ATRNL1: variants seen among roughly 807,000 people sequenced by gnomAD.
The protein encoded by ATRNL1 is attractin-like protein 1.
ATRNL1 carries 95 observed loss-of-function variants against 182.7 expected under a neutral mutation model. The ratio of observed to expected loss-of-function variants is 0.52; its 90% CI spans 0.44 to 0.62. The LOEUF (loss-of-function observed/expected upper bound fraction) is 0.62, where lower values mean the gene tolerates loss of function less well. ATRNL1 is among the 20% of genes least tolerant of loss of function. The pLI is 0.00. For missense variants in ATRNL1, 1,471 were observed against 1,679.5 expected, an observed-to-expected ratio of 0.88 and a Z score of 2.17; for synonymous variants, 576 against 568.3, an observed-to-expected ratio of 1.01 and a Z score of -0.19.
At chr10:115,252,591 G>A (rs1850930825) in intron 10 of ATRNL1, among the ~76,000 whole-genome samples, 1 of 152,168 alleles carries the variant, frequency 6.6e-6, no homozygotes, top group Admixed American at 6.5e-5. Context: ...GAAAATTTGG[G>A]AATTCAAAAT....
intron 21 of ATRNL1, among the ~76,000 whole-genome samples, chr10:115,429,764 C>G (rs540607960): frequency 3.9e-5 from 6 of 152,132 alleles, no homozygotes; most frequent in Admixed American, 2.6e-4. Context: ...CCTATGACTG[C>G]AGTTTTTAAA....
rs1270489896 is a variant in ATRNL1 at position 115,389,538 on chromosome 10, G to GTATATATATATATATA, written c.3176-5120_3176-5119insATATATATATATATAT. Reference sequence around the variant, plus strand: ...AGCTGAATAGTATTCAAATGTGTATGTGTATATATATATATATATATATAT... The same window carrying GTATATATATATATATA: ...AGCTGAATAGTATTCAAATGTGTATGTATATATATATATATATGTATATATATATATATATATATAT... On this transcript the variant is annotated intron_variant, in intron 19 of 28. Coordinates refer to ENST00000355044, the MANE Select transcript of ATRNL1 (RefSeq NM_207303.4). Among the ~76,000 whole-genome samples, 512 of 51,374 alleles carry GTATATATATATATATA rather than the reference G, an allele frequency of 1.0e-2. 50 individuals are homozygous for GTATATATATATATATA. Among genetic ancestry groups the GTATATATATATATATA allele is most frequent in the Non-Finnish European group, 0.013 (398 of 30,030 alleles). 33.7% of individuals were successfully genotyped at this position (51,374 alleles called of 152,430 possible).
chr10:115,307,495 C>G (rs1307854213), intron 17 of ATRNL1, among the ~76,000 whole-genome samples: 1 of 152,120 alleles, frequency 6.6e-6, no homozygotes, highest in Non-Finnish European at 1.5e-5. Context: ...CTCCTGACTT[C>G]AAGTAATCTG....
At position 115,941,106 on chromosome 10, in the gene ATRNL1, C is replaced by T. The variant is rs376266748; in HGVS notation, c.4019-3552C>T. Among the ~76,000 whole-genome samples the T allele has an allele frequency of 1.1e-4, 16 of 152,206 alleles. No homozygotes were observed. The South Asian group carries it at 2.9e-3, about 28-fold the overall frequency. On this transcript the variant is annotated intron_variant, in intron 28 of 28. Coordinates refer to ENST00000355044, the MANE Select transcript of ATRNL1 (RefSeq NM_207303.4). ...AGTGTTCTCTGTGAGTGCACCACGG[C>T]GAACACTTAAATATCTCTGCCTAGA...
intron 26 of ATRNL1, among the ~76,000 whole-genome samples, chr10:115,654,709 G>A (rs552327539): frequency 2.0e-5 from 3 of 152,244 alleles, no homozygotes; most frequent in Non-Finnish European, 4.4e-5. Context: ...TTATTGATGG[G>A]AAATAGGGTC....
chr10:115,336,823 C>T (rs533082569), intron 19 of ATRNL1, among the ~76,000 whole-genome samples: 2 of 151,796 alleles, frequency 1.3e-5, no homozygotes, highest in Non-Finnish European at 2.9e-5. Flanking sequence ...TAACTATGTA[C>T]AGTGTTGTGC....
intron 19 of ATRNL1, among the ~76,000 whole-genome samples, chr10:115,387,710 T>G (rs1554953075): frequency 6.6e-6 from 1 of 152,214 alleles, no homozygotes; most frequent in East Asian, 1.9e-4. Flanking sequence ...TGTGTTTGGC[T>G]TTTTTTCACT....
intron 26 of ATRNL1, among the ~76,000 whole-genome samples, chr10:115,662,236 C>T (rs1325221656): frequency 2.0e-5 from 3 of 152,010 alleles, no homozygotes; most frequent in African/African-American, 7.2e-5. Flanking sequence ...CCGCAATAAA[C>T]ATATGTGTGC....
intron 19 of ATRNL1, among the ~76,000 whole-genome samples, chr10:115,392,689 C>T (rs1238763232): frequency 6.6e-6 from 1 of 152,150 alleles, no homozygotes; most frequent in Admixed American, 6.6e-5. Flanking sequence ...TCCATTCTCA[C>T]ATAAATGTCT....
chr10:115,114,530 A>C (rs781785194), intron 1 of ATRNL1, among the ~76,000 whole-genome samples: 5 of 152,206 alleles, frequency 3.3e-5, no homozygotes, highest in Non-Finnish European at 7.4e-5. Flanking sequence ...ATGAACTCAA[A>C]TCATTCAATA....
chr10:115,581,024 C>A (rs1855036842), intron 26 of ATRNL1, among the ~76,000 whole-genome samples: 1 of 152,100 alleles, frequency 6.6e-6, no homozygotes, highest in Non-Finnish European at 1.5e-5. Context: ...AGCTTTATTT[C>A]ACTAAGGCTG....
intron 26 of ATRNL1, among the ~76,000 whole-genome samples, chr10:115,678,106 T>C (rs1945925755): frequency 1.3e-5 from 2 of 152,132 alleles, no homozygotes; most frequent in Non-Finnish European, 2.9e-5. Context: ...ACAGGAGCCA[T>C]CTTTGGCTGA....
intron 26 of ATRNL1, among the ~76,000 whole-genome samples, chr10:115,643,638 G>A (rs1346707763): frequency 1.3e-5 from 2 of 152,074 alleles, no homozygotes; most frequent in African/African-American, 4.8e-5. Flanking sequence ...AAAGATTTGA[G>A]TAGACACTTT....
At chr10:115,844,120 G>A (rs1173954495) in intron 27 of ATRNL1, among the ~76,000 whole-genome samples, 2 of 152,056 alleles carry the variant, frequency 1.3e-5, no homozygotes, top group Non-Finnish European at 2.9e-5. Flanking sequence ...TTCTGCTTTG[G>A]AACTACTGAA....
intron 26 of ATRNL1, among the ~76,000 whole-genome samples, chr10:115,623,196 G>A (rs1311921437): frequency 5.3e-5 from 8 of 152,112 alleles, no homozygotes; most frequent in African/African-American, 1.9e-4. Context: ...GAACAAAAAT[G>A]TATGTACACA....
intron 9 of ATRNL1, among the ~76,000 whole-genome samples, chr10:115,217,905 A>G (rs1300276311): frequency 6.6e-6 from 1 of 152,066 alleles, no homozygotes; most frequent in Non-Finnish European, 1.5e-5. Context: ...CTTTAAGCTT[A>G]GATCTTTTTT....
chr10:115,229,321 A>C (rs1400327680), intron 9 of ATRNL1, among the ~76,000 whole-genome samples: 1 of 152,098 alleles, frequency 6.6e-6, no homozygotes, highest in Non-Finnish European at 1.5e-5. Flanking sequence ...TTTCTCTAAA[A>C]AATTTCCTGT....
intron 25 of ATRNL1, among the ~76,000 whole-genome samples, chr10:115,540,882 G>C (rs781974182): frequency 3.3e-4 from 50 of 151,922 alleles, no homozygotes; most frequent in Non-Finnish European, 4.6e-4. Flanking sequence ...TCAGGTACTA[G>C]ATCTATTACC....
intron 20 of ATRNL1, among the ~76,000 whole-genome samples, chr10:115,405,368 T>C (rs1373608767): frequency 6.6e-6 from 1 of 152,242 alleles, no homozygotes; most frequent in East Asian, 1.9e-4. Flanking sequence ...GTATGTCCTT[T>C]TGATTTATTT....
Sources: allele counts gnomAD v4.1 joint callset (sites outside exome capture counted in the v4.1 genomes callset), GRCh38; gene constraint gnomAD v4.1.1; transcripts MANE v1.5; gene names NCBI Gene and HGNC (gene_info 2026-07-23, HGNC 2026-07-21).